TLL1: variants seen among roughly 807,000 people sequenced by gnomAD.
TLL1 encodes the protein tolloid-like protein 1.
Under a neutral mutation model 128.2 loss-of-function variants are expected in TLL1, and 49 were observed. The observed-to-expected ratio is 0.38, with a 90% confidence interval of 0.30 to 0.48. TLL1 has a LOEUF of 0.48. Ranked by LOEUF, TLL1 falls within the 20% of genes least tolerant of loss-of-function variation. The pLI is 0.96. For synonymous variants in TLL1, 454 were observed against 418.8 expected (o/e 1.08, Z -1.03); for missense variants, 1,123 against 1,242.0 (o/e 0.90, Z 1.44).
rs985143403 is a variant in TLL1 at position 166,065,840 on chromosome 4, G to A, written c.2165G>A (p.Gly722Asp). 1 of 1,612,588 alleles carries A rather than the reference G, an allele frequency of 6.2e-7. No individual in the cohort carries two copies. The highest frequency in any genetic ancestry group is 8.5e-7 in the Non-Finnish European group (1 of 1,179,138). Residue 722 changes from glycine (G) to aspartate (D), a missense_variant, in exon 16 of 21, where the codon GGC (glycine) becomes GAC (aspartate). Gly to Asp is a moderately conservative substitution (Grantham distance 94, BLOSUM62 -1). This residue lies in a region of TLL1 where 634 missense variants were observed against 672.4 expected (regional missense o/e 0.94). Transcript: ENST00000061240. ...TCTGACAATACTGTATCCAAGAAGG[G>A]CTTCAAAGCACATTTTTTCTCAGGT... ...FKSDNTVSKK[G>D]FKAHFFSDKD...
chr4:165,948,960 T>C (rs1416672785), intron 1 of TLL1, among the ~76,000 whole-genome samples: 1 of 152,172 alleles, frequency 6.6e-6, no homozygotes. Flanking sequence ...CAAGTGATGA[T>C]ACAGGTATAG....
chr4:165,957,246 A>C (rs1322710796), intron 1 of TLL1, among the ~76,000 whole-genome samples: 1 of 152,134 alleles, frequency 6.6e-6, no homozygotes, highest in Non-Finnish European at 1.5e-5. Flanking sequence ...AATAGTCAGT[A>C]AGGACAAAGA....
chr4:166,005,683 A>T (rs933062646), intron 6 of TLL1, among the ~76,000 whole-genome samples: 9 of 151,980 alleles, frequency 5.9e-5, no homozygotes, highest in Admixed American at 1.3e-4. Flanking sequence ...AATTATTTCA[A>T]CTACCACATA....
chr4:166,064,080 T>A (rs2111123556), intron 15 of TLL1, among the ~76,000 whole-genome samples: 1 of 152,250 alleles, frequency 6.6e-6, no homozygotes, highest in South Asian at 2.1e-4. Context: ...TTGAGCTTCT[T>A]TTTAACATTA....
intron 1 of TLL1, among the ~76,000 whole-genome samples, chr4:165,945,308 CATTT>C (rs1224699871): frequency 6.6e-6 from 1 of 151,826 alleles, no homozygotes; most frequent in Non-Finnish European, 1.5e-5. Flanking sequence ...AATTTTCAAA[CATTT>C]ATCTGAATGA....
At position 165,966,052 on chromosome 4, in the gene TLL1, G is replaced by A. The variant is rs143363056; in HGVS notation, c.170-23329G>A. On this transcript the variant is annotated intron_variant, in intron 1 of 20. Coordinates refer to ENST00000061240, the MANE Select transcript of TLL1 (RefSeq NM_012464.5). Reference sequence around the variant, plus strand: ...AAATTAGCTGGGTGTGGTGGTGGGCGCCTGTAATCCCAGCTACTTGGGAGG... The same window carrying A: ...AAATTAGCTGGGTGTGGTGGTGGGCACCTGTAATCCCAGCTACTTGGGAGG... Among the ~76,000 whole-genome samples, 415 of 151,918 alleles carry A rather than the reference G, an allele frequency of 2.7e-3. 4 individuals are homozygous for A. Among genetic ancestry groups the A allele is most frequent in the African/African-American group, 9.3e-3 (385 of 41,426 alleles).
intron 12 of TLL1, among the ~76,000 whole-genome samples, 164 bp from the exon 13 acceptor site, chr4:166,054,912 G>A (rs1314552090): frequency 6.6e-6 from 1 of 151,802 alleles, no homozygotes; most frequent in Non-Finnish European, 1.5e-5. Context: ...TTTGTTCATG[G>A]ATATTACAGT....
chr4:165,915,126 CATAA>C (rs1359242668), intron 1 of TLL1, among the ~76,000 whole-genome samples: 3 of 152,104 alleles, frequency 2.0e-5, no homozygotes, highest in African/African-American at 7.2e-5. Flanking sequence ...CTGGCTAAGA[CATAA>C]ATAACAAGAA....
chr4:166,007,585 C>T (rs113878218), intron 6 of TLL1, among the ~76,000 whole-genome samples: 1,818 of 151,544 alleles, frequency 0.012, 48 homozygotes, highest in African/African-American at 0.04. Context: ...AAATGGGAAA[C>T]TCATAGATAA....
chr4:165,958,017 A>C (rs1349305076), intron 1 of TLL1, among the ~76,000 whole-genome samples: 1 of 151,324 alleles, frequency 6.6e-6, no homozygotes, highest in Non-Finnish European at 1.5e-5. Context: ...AATTTCATCC[A>C]TGTCCCTACA....
At chr4:165,893,999 G>C (rs1731541654) in intron 1 of TLL1, among the ~76,000 whole-genome samples, 1 of 152,040 alleles carries the variant, frequency 6.6e-6, no homozygotes, top group Admixed American at 6.6e-5. Flanking sequence ...TATTTTAAGA[G>C]TCAAAAAATC....
At chr4:166,067,996 A>G (rs1423985410) in intron 16 of TLL1, among the ~76,000 whole-genome samples, 3 of 151,758 alleles carry the variant, frequency 2.0e-5, no homozygotes, top group African/African-American at 7.2e-5. Context: ...AAACAACAGC[A>G]GATATAATTT....
chr4:165,921,515 A>G (rs967640661), intron 1 of TLL1, among the ~76,000 whole-genome samples: 1 of 152,146 alleles, frequency 6.6e-6, no homozygotes. Flanking sequence ...GTTTCTTCCA[A>G]ATTGAAACGT....
intron 1 of TLL1, among the ~76,000 whole-genome samples, chr4:165,940,217 C>T (rs748954392): frequency 1.3e-5 from 2 of 151,866 alleles, no homozygotes; most frequent in South Asian, 4.2e-4. Context: ...TTAGGCTTGA[C>T]GTTTTGGAAT....
At chr4:165,916,592 T>C (rs1173767123) in intron 1 of TLL1, among the ~76,000 whole-genome samples, 1 of 152,172 alleles carries the variant, frequency 6.6e-6, no homozygotes, top group East Asian at 1.9e-4. Context: ...AAAGGATATA[T>C]GTAGGGGTGC....
chr4:166,048,561 C>G (rs1237957144), intron 12 of TLL1, among the ~76,000 whole-genome samples: 1 of 152,086 alleles, frequency 6.6e-6, no homozygotes, highest in Non-Finnish European at 1.5e-5. Context: ...ATTTGGAAAG[C>G]TTGTTCTCTA....
chr4:166,018,821 TGTAGA>T (rs1738072397), intron 8 of TLL1, among the ~76,000 whole-genome samples: 3 of 152,188 alleles, frequency 2.0e-5, no homozygotes, highest in Non-Finnish European at 4.4e-5. Context: ...CTGCAGAGGC[TGTAGA>T]GTAAAGGGAA....
chr4:166,078,646 T>C (rs1479157769), intron 18 of TLL1, among the ~76,000 whole-genome samples: 1 of 152,202 alleles, frequency 6.6e-6, no homozygotes, highest in African/African-American at 2.4e-5. Context: ...TCATAAATAA[T>C]AACCTGATAA....
At chr4:165,942,244 A>G (rs1167427721) in intron 1 of TLL1, among the ~76,000 whole-genome samples, 1 of 150,376 alleles carries the variant, frequency 6.6e-6, no homozygotes. Context: ...TTTGTCATGC[A>G]CTTGCCTCCA....
Sources: gnomAD v4.1 joint callset for allele counts (sites outside exome capture counted in the v4.1 genomes callset) on GRCh38, gnomAD v4.1.1 for gene constraint, gnomAD v4.1.1 regional missense constraint, MANE v1.5 for transcripts, NCBI Gene and HGNC (gene_info 2026-07-23, HGNC 2026-07-21) for gene names.